The following SIMC1 variants were observed in gnomAD, a reference collection of about 807,000 sequenced individuals.
SIMC1 encodes SUMO interacting motifs containing 1.
SIMC1 carries 55 observed loss-of-function variants against 82.3 expected under a neutral mutation model. The ratio of observed to expected loss-of-function variants is 0.67; its 90% confidence interval spans 0.54 to 0.84. The LOEUF is 0.84. Ranked by LOEUF, SIMC1 falls within the 40% of genes least tolerant of loss-of-function variation. The pLI is 0.00. For missense variants in SIMC1, 915 were observed against 1,107.2 expected, an observed-to-expected ratio of 0.83 and a Z score of 2.46; for synonymous variants, 353 against 426.3, an observed-to-expected ratio of 0.83 and a Z score of 2.12.
intron 5 of SIMC1, among the ~76,000 whole-genome samples, chr5:176,317,164 GGATGT>G (rs1467748211): frequency 1.3e-5 from 2 of 152,120 alleles, no homozygotes; most frequent in African/African-American, 4.8e-5. Flanking sequence ...GTGATTACAA[GGATGT>G]ATGCATATAT....
At chr5:176,305,993 G>GC (rs1309925569) in intron 4 of SIMC1, among the ~76,000 whole-genome samples, 1 of 63,552 alleles carries the variant, frequency 1.6e-5, no homozygotes, top group Non-Finnish European at 3.4e-5. Flanking sequence ...GGGGGGGTCA[G>GC]CCCCCCGCCC....
chr5:176,276,044 A>G (rs1298394664), intron 1 of SIMC1, among the ~76,000 whole-genome samples: 1 of 151,556 alleles, frequency 6.6e-6, no homozygotes, highest in Non-Finnish European at 1.5e-5. Context: ...TTCAGAAGGA[A>G]TGGTACCAGT....
intron 1 of SIMC1, among the ~76,000 whole-genome samples, chr5:176,269,405 A>G (rs1453191176): frequency 1.3e-5 from 2 of 152,282 alleles, no homozygotes; most frequent in Non-Finnish European, 2.9e-5. Context: ...TTTTATGCCA[A>G]TAAATTTGAT....
At chr5:176,298,111 A>G (rs909540371) in intron 4 of SIMC1, among the ~76,000 whole-genome samples, 1 of 152,218 alleles carries the variant, frequency 6.6e-6, no homozygotes, top group Non-Finnish European at 1.5e-5. Flanking sequence ...CCGAATTAAG[A>G]AGCTTCAGTG....
chr5:176,242,355 A>G (rs1298566452), intron 1 of SIMC1, among the ~76,000 whole-genome samples: 2 of 151,868 alleles, frequency 1.3e-5, no homozygotes, highest in African/African-American at 4.9e-5. Context: ...GTCACCATCT[A>G]TGGTCAGTAA....
chr5:176,310,298 G>A (rs1764610555), intron 4 of SIMC1, among the ~76,000 whole-genome samples: 1 of 152,224 alleles, frequency 6.6e-6, no homozygotes, highest in Admixed American at 6.5e-5. Context: ...AGACCCAGCA[G>A]TTGTGCTCCT....
intron 9 of SIMC1, among the ~76,000 whole-genome samples, chr5:176,338,486 A>G (rs1561736081): frequency 1.3e-5 from 2 of 152,182 alleles, no homozygotes; most frequent in Non-Finnish European, 2.9e-5. Context: ...TGTTCGGACA[A>G]TTGGTAAAAC....
rs549643962 is a variant in SIMC1 at position 176,338,825 on chromosome 5, A to G, written c.2413+1679A>G. ...AAAAAAAAAAAGTACTGGATTTAAG[A>G]CAGAAAGTCTGAGTTTAAATCCGAA... On this transcript the variant is annotated intron_variant, in intron 9 of 9. Transcript: ENST00000429602. Among the ~76,000 whole-genome samples, 245 of 152,042 alleles carry G rather than the reference A, an allele frequency of 1.6e-3. 1 individual carries two copies. Among genetic ancestry groups the G allele is most frequent in the African/African-American group, 5.2e-3 (215 of 41,468 alleles).
chr5:176,291,159 C>CGT (rs1269138456), intron 2 of SIMC1, among the ~76,000 whole-genome samples: 2 of 88,502 alleles, frequency 2.3e-5, no homozygotes, highest in Non-Finnish European at 4.1e-5. Flanking sequence ...TGTCACTTTA[C>CGT]TTTTTTTTTT....
In SIMC1 at chr5:176,248,347, G is replaced by A. The variant is rs1441270403; in HGVS notation, c.129+9710G>A. Among the ~76,000 whole-genome samples, 19 of 151,992 alleles carry A rather than the reference G, an allele frequency of 1.3e-4. 1 individual carries two copies. On this transcript the variant is annotated intron_variant, in intron 1 of 9. Coordinates refer to ENST00000429602, the MANE Select transcript of SIMC1 (RefSeq NM_001308195.2). ...CATCCCTTGTAAGTTGTATTCCTAG[G>A]TATTCTATTCTCTTTGTAGCAATTA...
intron 4 of SIMC1, chr5:176,308,315 T>C (rs1764514599): frequency 6.8e-7 from 1 of 1,472,948 alleles, no homozygotes; most frequent in Non-Finnish European, 9.5e-7. Context: ...GACGTTCTGA[T>C]AAGAGGAAGG....
intron 5 of SIMC1, among the ~76,000 whole-genome samples, chr5:176,316,158 G>A (rs938982517): frequency 2.0e-5 from 3 of 152,070 alleles, no homozygotes; most frequent in African/African-American, 7.2e-5. Context: ...CTGGGTGACA[G>A]AGCGAGACTC....
At chr5:176,270,830 T>G (rs1762393357) in intron 1 of SIMC1, among the ~76,000 whole-genome samples, 1 of 152,128 alleles carries the variant, frequency 6.6e-6, no homozygotes, top group Admixed American at 6.6e-5. Flanking sequence ...GGAACTTGAG[T>G]TCCAGCTAGC....
intron 4 of SIMC1, among the ~76,000 whole-genome samples, chr5:176,297,848 G>C (rs1161688480): frequency 1.3e-5 from 2 of 152,150 alleles, no homozygotes; most frequent in Non-Finnish European, 2.9e-5. Flanking sequence ...TCAAAAAAAG[G>C]GGGGAGGCAT....
At chr5:176,275,997 A>G (rs1314212710) in intron 1 of SIMC1, among the ~76,000 whole-genome samples, 1 of 151,666 alleles carries the variant, frequency 6.6e-6, no homozygotes, top group African/African-American at 2.4e-5. Context: ...AAAATGAGTT[A>G]GGGAGGATTC....
chr5:176,306,311 G>T (rs1415206884), intron 4 of SIMC1, among the ~76,000 whole-genome samples: 1 of 141,106 alleles, frequency 7.1e-6, no homozygotes, highest in Non-Finnish European at 1.6e-5. Flanking sequence ...CCCCCGTCCG[G>T]CCAGCCGCCC....
At chr5:176,291,330 ATTTTTTTTTT>A (rs70991527) in intron 2 of SIMC1, among the ~76,000 whole-genome samples, 2 of 71,610 alleles carry the variant, frequency 2.8e-5, no homozygotes, top group African/African-American at 1.2e-4. Flanking sequence ...TGCCCGGCTA[ATTTTTTTTTT>A]TTTTTTTTTT....
chr5:176,279,094 T>G (rs1240103892), intron 1 of SIMC1, among the ~76,000 whole-genome samples: 1 of 152,214 alleles, frequency 6.6e-6, no homozygotes, highest in Non-Finnish European at 1.5e-5. Context: ...CTCTTTTTGG[T>G]TAGTAAGCTA....
chr5:176,271,949 T>A (rs1762452960), intron 1 of SIMC1, among the ~76,000 whole-genome samples: 1 of 144,934 alleles, frequency 6.9e-6, no homozygotes, highest in Non-Finnish European at 1.5e-5. Flanking sequence ...TATTATATAT[T>A]ATATATTATG....
Sources: allele counts gnomAD v4.1 joint callset (sites outside exome capture counted in the v4.1 genomes callset), GRCh38; gene constraint gnomAD v4.1.1; transcripts MANE v1.5; gene names NCBI Gene and HGNC (gene_info 2026-07-23, HGNC 2026-07-21).